The following RUNX1 variants were observed in gnomAD, a reference collection of about 807,000 sequenced individuals.
RUNX1 encodes RUNX family transcription factor 1, also known as runt-related transcription factor 1.
Under a neutral mutation model 42.8 loss-of-function variants are expected in RUNX1, and 19 were observed. The ratio of observed to expected loss-of-function variants is 0.44; its 90% confidence interval spans 0.31 to 0.65. The LOEUF is 0.65. Ranked by LOEUF, RUNX1 falls within the 30% of genes least tolerant of loss-of-function variation. RUNX1 has a pLI of 0.07. For missense variants in RUNX1, 528 were observed against 672.0 expected, an observed-to-expected ratio of 0.79 and a Z score of 2.37; for synonymous variants, 271 against 289.4, an observed-to-expected ratio of 0.94 and a Z score of 0.64.
rs1210615293 is a variant in RUNX1 at position 34,788,500 on chromosome 21, T to G, written c.*3635A>C. 3 of 232,948 alleles carry G rather than the reference T, an allele frequency of 1.3e-5. No homozygotes were observed. The highest frequency in any genetic ancestry group is 1.7e-5 in the Non-Finnish European group (2 of 117,804). The allele number at this position is 232,948 out of a possible 1,614,324, so 14.4% of individuals were successfully genotyped here. ...AAATAAACAAAGTAGAAAGAAGCATTTTTTTCCCTACAGTATTTAGCAAAC... is the reference window on the plus strand; with the variant it reads ...AAATAAACAAAGTAGAAAGAAGCATGTTTTTCCCTACAGTATTTAGCAAAC... On this transcript the variant is annotated 3_prime_UTR_variant, in exon 9 of 9. Coordinates refer to ENST00000675419, the MANE Select transcript of RUNX1 (RefSeq NM_001754.5).
At chr21:34,870,741 C>T (rs957699496) in intron 5 of RUNX1, among the ~76,000 whole-genome samples, 1 of 152,120 alleles carries the variant, frequency 6.6e-6, no homozygotes, top group Non-Finnish European at 1.5e-5. Context: ...AGGCAGATCA[C>T]GAGGTCAAGA....
chr21:34,878,968 T>G (rs2057856624), intron 5 of RUNX1, among the ~76,000 whole-genome samples: 1 of 152,232 alleles, frequency 6.6e-6, no homozygotes, highest in Non-Finnish European at 1.5e-5. Context: ...TGATAACACT[T>G]TCTCTAGAAA....
intron 2 of RUNX1, among the ~76,000 whole-genome samples, chr21:34,996,905 A>G (rs1192167142): frequency 6.6e-6 from 1 of 152,232 alleles, no homozygotes; most frequent in Non-Finnish European, 1.5e-5. Context: ...GCAATAAGAC[A>G]TAGATACTAT....
chr21:34,813,750 C>T lies in RUNX1; in HGVS notation c.806-14288G>A, dbSNP rs138400505. Among the ~76,000 whole-genome samples the T allele has an allele frequency of 1.6e-3, 244 of 152,170 alleles. 2 individuals are homozygous for T. The highest frequency in any genetic ancestry group is 5.7e-3 in the African/African-American group (237 of 41,522). ...TGAGTCACATGTAACTAGATAATGA[C>T]GCAAATCACCGTCAACATTACTTAA... On this transcript the variant is annotated intron_variant, in intron 7 of 8. Coordinates refer to ENST00000675419, the MANE Select transcript of RUNX1 (RefSeq NM_001754.5).
chr21:34,911,280 T>C (rs1419515862), intron 2 of RUNX1, among the ~76,000 whole-genome samples: 1 of 152,046 alleles, frequency 6.6e-6, no homozygotes, highest in Non-Finnish European at 1.5e-5. Flanking sequence ...ATGTCGACAA[T>C]ACATTTATTG....
intron 7 of RUNX1, chr21:34,821,499 C>A: frequency 6.8e-7 from 1 of 1,474,378 alleles, no homozygotes. Context: ...CGACGGTTTG[C>A]AGAGGGGGAG....
intron 7 of RUNX1, chr21:34,833,793 T>C (rs996808540): frequency 2.0e-5 from 4 of 198,572 alleles, no homozygotes; most frequent in African/African-American, 9.2e-5. Context: ...TTTGGCACAG[T>C]GGGCCTTAGG....
At chr21:35,032,547 A>T (rs1295090877) in intron 2 of RUNX1, among the ~76,000 whole-genome samples, 1 of 152,212 alleles carries the variant, frequency 6.6e-6, no homozygotes, top group African/African-American at 2.4e-5. Context: ...TCTTGGTCAT[A>T]GACATTTGTT....
In RUNX1 at chr21:34,792,035, A is replaced by G; in HGVS notation, c.*100T>C. Reference sequence around the variant, plus strand: ...CGGCCCCAGGACGGTGGCCGGGCCCAGGGCCCGGGATCCCGGCGGGCTTGT... The same window carrying G: ...CGGCCCCAGGACGGTGGCCGGGCCCGGGGCCCGGGATCCCGGCGGGCTTGT... On this transcript the variant is annotated 3_prime_UTR_variant, in exon 9 of 9. Transcript: ENST00000675419. The surrounding 1 kb of genome is among the most constrained non-coding windows in gnomAD (Gnocchi z 6.9). 2.7e-6 allele frequency: 2 copies of G among 741,530 alleles called. No homozygotes were observed. Among genetic ancestry groups the G allele is most frequent in the Non-Finnish European group, 3.9e-6 (2 of 509,994 alleles). The allele number at this position is 741,530 out of a possible 1,614,324, so 45.9% of individuals were successfully genotyped here.
intron 2 of RUNX1, among the ~76,000 whole-genome samples, chr21:34,902,212 T>G (rs1371194982): frequency 1.3e-5 from 2 of 152,216 alleles, no homozygotes; most frequent in Non-Finnish European, 2.9e-5. Flanking sequence ...TAGAAAGTAT[T>G]TTTTCCTTAA....
chr21:34,818,936 T>C (rs1463360635), intron 7 of RUNX1, among the ~76,000 whole-genome samples: 4 of 152,154 alleles, frequency 2.6e-5, no homozygotes, highest in Non-Finnish European at 5.9e-5. Context: ...ACGGTTCACA[T>C]TGCTACATCC....
chr21:34,840,462 TAAG>T (rs1569042909), intron 6 of RUNX1, among the ~76,000 whole-genome samples: 1 of 152,192 alleles, frequency 6.6e-6, no homozygotes, highest in Admixed American at 6.5e-5. Context: ...ATTAAGAGAC[TAAG>T]AAGGATTACT....
At chr21:34,807,992 C>T (rs2056704235) in intron 7 of RUNX1, among the ~76,000 whole-genome samples, 1 of 152,222 alleles carries the variant, frequency 6.6e-6, no homozygotes, top group African/African-American at 2.4e-5. Flanking sequence ...AAAGCTCCGG[C>T]ACAGCACAAG....
chr21:34,957,060 A>G (rs2058649653), intron 2 of RUNX1, among the ~76,000 whole-genome samples: 1 of 152,182 alleles, frequency 6.6e-6, no homozygotes, highest in African/African-American at 2.4e-5. Context: ...TGCCAGGGAA[A>G]GGTGACACAA....
At chr21:34,978,837 A>C (rs1267207096) in intron 2 of RUNX1, among the ~76,000 whole-genome samples, 1 of 151,974 alleles carries the variant, frequency 6.6e-6, no homozygotes, top group Non-Finnish European at 1.5e-5. Context: ...TCTGATACTG[A>C]AGCATGTTTT....
chr21:34,788,720 C>T lies in RUNX1; in HGVS notation c.*3415G>A, dbSNP rs548574813. 2.6e-5 allele frequency: 6 copies of T among 233,506 alleles called. No homozygotes were observed. The highest frequency in any genetic ancestry group is 1.8e-4 in the East Asian group (3 of 16,516). The allele number at this position is 233,506 out of a possible 1,614,324, so 14.5% of individuals were successfully genotyped here. On this transcript the variant is annotated 3_prime_UTR_variant, in exon 9 of 9. Transcript: ENST00000675419. ...TACTGACCTGGCTAAAAACAAAATTCCCAACAAACACACAAAAATCCCAAA... is the reference window on the plus strand; with the variant it reads ...TACTGACCTGGCTAAAAACAAAATTTCCAACAAACACACAAAAATCCCAAA...
At chr21:34,931,450 A>ATATATAATGTATATATTATATTATATATG (rs2058446221) in intron 2 of RUNX1, among the ~76,000 whole-genome samples, 2 of 146,020 alleles carry the variant, frequency 1.4e-5, no homozygotes, top group South Asian at 2.1e-4. Flanking sequence ...ACAATATATT[A>ATATATAATGTATATATTATATTATATATG]TATATAATGT....
chr21:34,946,756 C>CA (rs2058566181), intron 2 of RUNX1, among the ~76,000 whole-genome samples: 1 of 152,110 alleles, frequency 6.6e-6, no homozygotes, highest in Non-Finnish European at 1.5e-5. Context: ...GATGGGGTGG[C>CA]AGTCATAAGT....
intron 2 of RUNX1, among the ~76,000 whole-genome samples, chr21:34,969,215 G>A (rs188902121): frequency 8.5e-5 from 13 of 152,224 alleles, no homozygotes; most frequent in African/African-American, 2.4e-4. Context: ...AACCTGCCAC[G>A]ACTTTGGTGT....
Sources: gnomAD v4.1 joint callset for allele counts (sites outside exome capture counted in the v4.1 genomes callset) on GRCh38, gnomAD v4.1.1 for gene constraint, Gnocchi (gnomAD v3.1) non-coding constraint, MANE v1.5 for transcripts, NCBI Gene and HGNC (gene_info 2026-07-23, HGNC 2026-07-21) for gene names.